The following GOLM1 variants were observed in gnomAD, a reference collection of about 807,000 sequenced individuals.
GOLM1 encodes the protein golgi membrane protein 1.
In GOLM1, 31 loss-of-function variants were observed where a neutral mutation model predicts 50.5. The ratio of observed to expected loss-of-function variants is 0.61; its 90% CI spans 0.46 to 0.83. The LOEUF (loss-of-function observed/expected upper bound fraction) is 0.83. GOLM1 is among the 40% of genes least tolerant of loss of function. GOLM1 has a pLI of 0.00. For missense variants in GOLM1, 491 were observed against 501.3 expected (o/e 0.98, Z 0.20); for synonymous variants, 178 against 192.8 (o/e 0.92, Z 0.64).
chr9:86,028,584 T>C (rs1247224710), intron 9 of GOLM1, among the ~76,000 whole-genome samples: 1 of 152,192 alleles, frequency 6.6e-6, no homozygotes, highest in Non-Finnish European at 1.5e-5. Flanking sequence ...CCTCTGTCCT[T>C]GCGATAAGGC....
rs533714263 is a variant in GOLM1, at chr9:86,029,462, CTTCTACCATCTGATCT to C, written c.1130-1585_1130-1570del. Among the ~76,000 whole-genome samples, 78 of 152,278 alleles carry C rather than the reference CTTCTACCATCTGATCT, an allele frequency of 5.1e-4. 1 individual carries two copies. The highest frequency in any genetic ancestry group is 1.5e-3 in the African/African-American group (63 of 41,560). On this transcript the variant is annotated intron_variant, in intron 9 of 9. Coordinates refer to ENST00000388712, the MANE Select transcript of GOLM1 (RefSeq NM_016548.4). ...TTACAGAGCTGATGTCTGTATGTAG[CTTCTACCATCTGATCT>C]TACTCTATCCTTTTAACACACAGAA...
intron 3 of GOLM1, among the ~76,000 whole-genome samples, chr9:86,069,466 G>GA (rs1834389837): frequency 6.6e-6 from 1 of 152,198 alleles, no homozygotes; most frequent in African/African-American, 2.4e-5. Flanking sequence ...AAAGGAAACG[G>GA]AAATGGCAGC....
chr9:86,040,144 A>G (rs1350062502), intron 6 of GOLM1, among the ~76,000 whole-genome samples: 2 of 152,182 alleles, frequency 1.3e-5, no homozygotes, highest in Non-Finnish European at 2.9e-5. Context: ...GCCAATAAAA[A>G]TGTTCTGAAA....
rs143221914 is a variant in GOLM1 at position 86,029,328 on chromosome 9, C to T, written c.1130-1435G>A. 8.0e-4 allele frequency among the ~76,000 whole-genome samples: 122 copies of T among 152,234 alleles called. 1 individual carries two copies. In the South Asian group the frequency reaches 0.012, roughly 15 times the overall value. On this transcript the variant is annotated intron_variant, in intron 9 of 9. Coordinates refer to ENST00000388712, the MANE Select transcript of GOLM1 (RefSeq NM_016548.4). ...CATGACATTTTAAATATAATCACCA[C>T]GCTCCTGTGCGGCGTGACTCCCTTG...
At chr9:86,053,737 C>T (rs1833896404) in intron 3 of GOLM1, among the ~76,000 whole-genome samples, 1 of 7,624 alleles carries the variant, frequency 1.3e-4, no homozygotes, top group African/African-American at 2.4e-4. Flanking sequence ...CTCCACTCCA[C>T]ACACACCACA....
chr9:86,080,758 T>C (rs1164595868), intron 1 of GOLM1, among the ~76,000 whole-genome samples: 1 of 152,178 alleles, frequency 6.6e-6, no homozygotes, highest in African/African-American at 2.4e-5. Flanking sequence ...CTTACCAGCT[T>C]CTGGCCTCTC....
chr9:86,054,137 G>C (rs141915329), intron 3 of GOLM1, among the ~76,000 whole-genome samples: 96 of 152,248 alleles, frequency 6.3e-4, no homozygotes, highest in Middle Eastern at 3.4e-3. Flanking sequence ...ACAGAATCCA[G>C]ATAACAACGA....
intron 1 of GOLM1, among the ~76,000 whole-genome samples, chr9:86,089,181 G>T (rs1270221804): frequency 6.6e-6 from 1 of 152,130 alleles, no homozygotes; most frequent in African/African-American, 2.4e-5. Context: ...TTCTCTGGCT[G>T]CCCTTAACAT....
chr9:86,090,729 C>T (rs1835150378), intron 1 of GOLM1, among the ~76,000 whole-genome samples: 1 of 146,872 alleles, frequency 6.8e-6, no homozygotes, highest in Admixed American at 7.1e-5. Context: ...CTTCAGCCTC[C>T]TTTCCAGGGG....
At chr9:86,091,000 G>A (rs948356377) in intron 1 of GOLM1, among the ~76,000 whole-genome samples, 27 of 152,068 alleles carry the variant, frequency 1.8e-4, no homozygotes, top group Admixed American at 3.9e-4. Context: ...AGTTTCCCTT[G>A]GCTAGGGGAG....
intron 9 of GOLM1, among the ~76,000 whole-genome samples, chr9:86,032,502 C>A (rs887456907): frequency 6.6e-6 from 1 of 152,004 alleles, no homozygotes; most frequent in Non-Finnish European, 1.5e-5. Flanking sequence ...TACTATGAGT[C>A]CATAGTGATA....
At chr9:86,038,895 G>A (rs1833238385) in intron 6 of GOLM1, among the ~76,000 whole-genome samples, 1 of 151,988 alleles carries the variant, frequency 6.6e-6, no homozygotes, top group Admixed American at 6.6e-5. Flanking sequence ...CAGGCAAAGT[G>A]TTACTAGATA....
At chr9:86,090,576 T>C (rs1835145133) in intron 1 of GOLM1, among the ~76,000 whole-genome samples, 1 of 152,084 alleles carries the variant, frequency 6.6e-6, no homozygotes, top group Admixed American at 6.5e-5. Flanking sequence ...CAATGGCGGA[T>C]GCCCCTCCCC....
Position 86,027,276 on chromosome 9 carries a change from TTTGTG to T in GOLM1, c.*536_*540del. ...AGCTGTTGCTACTTTGCTAGTGACG[TTTGTG>T]TTAACAGTCAGTGCTCTAGGCCATT... On this transcript the variant is annotated 3_prime_UTR_variant, in exon 10 of 10. Coordinates refer to ENST00000388712, the MANE Select transcript of GOLM1 (RefSeq NM_016548.4). 1 of 985,372 alleles carries T rather than the reference TTTGTG, an allele frequency of 1.0e-6. No homozygotes were observed. Among genetic ancestry groups the T allele is most frequent in the Non-Finnish European group, 1.2e-6 (1 of 829,848 alleles). The allele number at this position is 985,372 out of a possible 1,614,324, so 61.0% of individuals were successfully genotyped here. A position where few individuals can be genotyped will look rare whatever the true frequency, so the allele number is the denominator to read the frequency against.
Position 86,027,905 on chromosome 9 carries a change from A to G in GOLM1, c.1130-12T>C, listed in dbSNP as rs1183733250. 2 of 1,462,048 alleles carry G rather than the reference A, an allele frequency of 1.4e-6. No individual in the cohort carries two copies. The highest frequency in any genetic ancestry group is 1.4e-5 in the African/African-American group (1 of 71,934). The allele number at this position is 1,462,048 out of a possible 1,614,324, so 90.6% of individuals were successfully genotyped here. A position where few individuals can be genotyped will look rare whatever the true frequency, so the allele number is the denominator to read the frequency against. On this transcript the variant is annotated splice_polypyrimidine_tract_variant and intron_variant, in intron 9 of 9. Transcript: ENST00000388712. ...TTCAACATTAAAAACTAAAAAGGAAAAACACATAATATTCTATAGAGTATT... is the reference window on the plus strand; with the variant it reads ...TTCAACATTAAAAACTAAAAAGGAAGAACACATAATATTCTATAGAGTATT...
intron 3 of GOLM1, among the ~76,000 whole-genome samples, chr9:86,062,929 C>T (rs896849259): frequency 6.6e-6 from 1 of 152,130 alleles, no homozygotes; most frequent in Non-Finnish European, 1.5e-5. Flanking sequence ...AGTCCCTGAC[C>T]CTGGATCTTT....
intron 5 of GOLM1, among the ~76,000 whole-genome samples, chr9:86,043,259 T>C (rs1353527314): frequency 2.6e-5 from 4 of 152,178 alleles, no homozygotes; most frequent in African/African-American, 9.7e-5. Flanking sequence ...AGTGCAGTGA[T>C]TGCTTAGTGA....
intron 3 of GOLM1, among the ~76,000 whole-genome samples, chr9:86,057,473 A>T (rs1346114672): frequency 6.6e-6 from 1 of 151,914 alleles, no homozygotes; most frequent in African/African-American, 2.4e-5. Context: ...AGTGTTTGGG[A>T]GGAGTGCCTC....
intron 6 of GOLM1, 107 bp downstream of exon 6, chr9:86,040,632 G>A (rs563030335): frequency 1.6e-5 from 17 of 1,064,586 alleles, no homozygotes; most frequent in Admixed American, 4.6e-5. Flanking sequence ...AGCCAAGCCC[G>A]CAAAGGAGGG....
Sources: allele counts gnomAD v4.1 joint callset (sites outside exome capture counted in the v4.1 genomes callset), GRCh38; gene constraint gnomAD v4.1.1; transcripts MANE v1.5; gene names NCBI Gene and HGNC (gene_info 2026-07-23, HGNC 2026-07-21).